ALAD: variants seen among roughly 807,000 people sequenced by gnomAD.
ALAD encodes the protein aminolevulinate dehydratase, also known as delta-aminolevulinic acid dehydratase.
A neutral mutation model predicts 44.4 loss-of-function variants in ALAD; 20 were observed. The observed-to-expected ratio is 0.45, with a 90% CI of 0.32 to 0.65. The LOEUF is 0.65. Ranked by LOEUF, ALAD falls within the 30% of genes least tolerant of loss-of-function variation. The pLI, the probability that ALAD is intolerant of heterozygous loss-of-function variation, is 0.05. For synonymous variants in ALAD, 156 were observed against 167.9 expected (o/e 0.93, Z 0.55); for missense variants, 323 against 445.7 (o/e 0.72, Z 2.48).
At chr9:113,399,618 T>C (rs748672563) in intron 1 of ALAD, among the ~76,000 whole-genome samples, 2 of 152,148 alleles carry the variant, frequency 1.3e-5, no homozygotes, top group Non-Finnish European at 2.9e-5. Flanking sequence ...TCAGATTTAA[T>C]ATGAAAGTAT....
At chr9:113,393,389 T>TCCCCAACCCCAA (rs8177793) in intron 2 of ALAD, 58 bp downstream of exon 2, 2 of 1,271,736 alleles carry the variant, frequency 1.6e-6, no homozygotes, top group Admixed American at 3.5e-5. Flanking sequence ...CAACACTCCC[T>TCCCCAACCCCAA]CCCCAACCCC....
intron 4 of ALAD, 44 bp downstream of exon 4, chr9:113,391,483 C>A (rs746243171): frequency 1.3e-6 from 2 of 1,571,584 alleles, no homozygotes; most frequent in African/African-American, 1.3e-5. Context: ...GGATTACGGG[C>A]GTGAGCGCAA....
In ALAD at chr9:113,386,731, T is replaced by A. The variant is rs1384323672; in HGVS notation, c.*1569A>T. The A allele has an allele frequency of 2.0e-5, 3 of 152,244 alleles. No individual in the cohort carries two copies. The highest frequency in any genetic ancestry group is 7.2e-5 in the African/African-American group (3 of 41,456). 9.4% of individuals were successfully genotyped at this position (152,244 alleles called of 1,614,324 possible). A position where few individuals can be genotyped will look rare whatever the true frequency, so the allele number is the denominator to read the frequency against. On this transcript the variant is annotated 3_prime_UTR_variant, in exon 12 of 12. Transcript: ENST00000409155. Reference sequence around the variant, plus strand: ...GTTCTAATCCAGTTCTGCCACAAACTTGTTGAGTGGCCTTAGGTGAGTCAC... The same window carrying A: ...GTTCTAATCCAGTTCTGCCACAAACATGTTGAGTGGCCTTAGGTGAGTCAC...
chr9:113,391,437 C>T, intron 4 of ALAD, 90 bp downstream of exon 4: 1 of 1,136,560 alleles, frequency 8.8e-7, no homozygotes, highest in Non-Finnish European at 1.3e-6. Context: ...ATCCTGGGCT[C>T]AAGTGATCCA....
Position 113,388,369 on chromosome 9 carries a change from G to C in ALAD, c.932-8C>G, listed in dbSNP as rs767016856. Reference sequence around the variant, plus strand: ...TGATGATGATGTCAGCACCTGTGTTGGGAGAGATGCAGAAAGTTGCTGGGG... The same window carrying C: ...TGATGATGATGTCAGCACCTGTGTTCGGAGAGATGCAGAAAGTTGCTGGGG... On this transcript the variant is annotated splice_region_variant and splice_polypyrimidine_tract_variant and intron_variant, in intron 11 of 11. Transcript: ENST00000409155. 1 of 1,613,744 alleles carries C rather than the reference G, an allele frequency of 6.2e-7. No individual in the cohort carries two copies. Among genetic ancestry groups the C allele is most frequent in the Admixed American group, 1.7e-5 (1 of 60,002 alleles).
chr9:113,392,036 G>T, intron 3 of ALAD, 83 bp downstream of exon 3: 1 of 1,313,826 alleles, frequency 7.6e-7, no homozygotes, highest in Non-Finnish European at 1.1e-6. Flanking sequence ...CTACTTCCTA[G>T]GTCTGCTTCT....
chr9:113,388,875 G>T, intron 11 of ALAD, 102 bp downstream of exon 11: 2 of 1,565,118 alleles, frequency 1.3e-6, no homozygotes, highest in Non-Finnish European at 1.8e-6. Context: ...AGTAATTCCC[G>T]GAATAAGATC....
Position 113,388,973 on chromosome 9 carries a change from C to T in ALAD, c.931+4G>A, listed in dbSNP as rs539712107. 1.9e-6 allele frequency: 3 copies of T among 1,613,832 alleles called. No homozygotes were observed. Among genetic ancestry groups the T allele is most frequent in the South Asian group, 1.1e-5 (1 of 91,086 alleles). ...GTCAAAACACCCCACCCTTGCCTGC[C>T]TACCTGCTCTGCGGAAGGCAGTCAT... On this transcript the variant is annotated splice_donor_region_variant and intron_variant, in intron 11 of 11. Coordinates refer to ENST00000409155, the MANE Select transcript of ALAD (RefSeq NM_000031.6).
chr9:113,390,869 C>T lies in ALAD; in HGVS notation c.326G>A (p.Arg109Lys). The T allele has an allele frequency of 1.2e-6, 2 of 1,614,102 alleles. No individual in the cohort carries two copies. The highest frequency in any genetic ancestry group is 1.1e-5 in the South Asian group (1 of 91,086). ...CACCAGGAGGTTGGGGAAGGTCTTC[C>T]TCAACAGATGGATTGCCTCAATAGC... is the stretch of plus-strand genomic sequence containing the variant. Reference protein sequence around the residue: ...SPAIEAIHLLRKTFPNLLVAC... With the variant: ...SPAIEAIHLLKKTFPNLLVAC... The change falls in exon 5 of 12, where the codon AGG (arginine) becomes AAG (lysine). Residue 109 changes from arginine to lysine, a missense_variant. Arg to Lys is a conservative substitution (Grantham distance 26). Transcript: ENST00000409155.
At chr9:113,398,689 C>T (rs925835433) in intron 1 of ALAD, among the ~76,000 whole-genome samples, 39 of 152,266 alleles carry the variant, frequency 2.6e-4, no homozygotes, top group Admixed American at 1.8e-3. Context: ...AAAGAGGCAA[C>T]GGGACTTTTG....
At position 113,390,611 on chromosome 9, in the gene ALAD, A is replaced by G. The variant is rs8177807; in HGVS notation, c.463T>C (p.Leu155=). ...CACTCACCTGCCTTGGCATACGCCA[A>G]TGCCACCTCAGCCAGCCGCTGGCGG... ...ESRQRLAEVA[L]AYAKAGCQVV... The change falls in exon 6 of 12, where the codon TTG becomes CTG. Residue 155 remains leucine, a synonymous_variant. Transcript: ENST00000409155. 0.084 allele frequency: 134,874 copies of G among 1,613,950 alleles called. 5,997 individuals are homozygous for G. The highest frequency in any genetic ancestry group is 0.13 in the Admixed American group (7,544 of 59,988).
At chr9:113,390,282 A>G in intron 7 of ALAD, 123 bp downstream of exon 7, 2 of 1,031,932 alleles carry the variant, frequency 1.9e-6, no homozygotes, top group Non-Finnish European at 2.9e-6. Flanking sequence ...TCAGCCTCCC[A>G]AAGTGCTGGG....
chr9:113,395,319 C>A (rs1415626881), intron 1 of ALAD, among the ~76,000 whole-genome samples: 1 of 152,204 alleles, frequency 6.6e-6, no homozygotes, highest in African/African-American at 2.4e-5. Flanking sequence ...GCACCCAAAT[C>A]TACAGGGTTC....
chr9:113,390,755 G>A (rs1291735479), intron 5 of ALAD, 43 bp downstream of exon 5: 1 of 1,599,390 alleles, frequency 6.3e-7, no homozygotes, highest in South Asian at 1.1e-5. Flanking sequence ...TGGGCAGTAG[G>A]AGTGTGGGTG....
At chr9:113,392,014 T>C in intron 3 of ALAD, 105 bp downstream of exon 3, 2 of 1,144,634 alleles carry the variant, frequency 1.7e-6, no homozygotes, top group South Asian at 1.3e-5. Flanking sequence ...AATGTCTGTC[T>C]GTCCGCATCT....
At chr9:113,394,336 G>A (rs1035157605) in intron 1 of ALAD, among the ~76,000 whole-genome samples, 8 of 150,982 alleles carry the variant, frequency 5.3e-5, no homozygotes, top group East Asian at 2.0e-4. Flanking sequence ...CCAAGAGTTC[G>A]AGACCAGCCT....
At chr9:113,398,248 A>G (rs1160076203) in intron 1 of ALAD, 2 of 152,270 alleles carry the variant, frequency 1.3e-5, no homozygotes, top group Non-Finnish European at 2.9e-5. Flanking sequence ...ACTTTTAGTG[A>G]TAAGGAAACA....
intron 1 of ALAD, chr9:113,396,819 C>T (rs2792818): frequency 0.17 from 26,688 of 152,982 alleles, 2,481 homozygotes; most frequent in African/African-American, 0.19. Flanking sequence ...TAAAGGGCAG[C>T]GGAGACAGGG....
At position 113,393,625 on chromosome 9, in the gene ALAD, C is replaced by T. The variant is rs1827656330; in HGVS notation, c.-66G>A. On this transcript the variant is annotated 5_prime_UTR_variant, in exon 2 of 12. Coordinates refer to ENST00000409155, the MANE Select transcript of ALAD (RefSeq NM_000031.6). ...CCGAGGGCTCCTGGGGCATTGGCTG[C>T]AGGCTCTGTCTGTGGGGGGTGATGG... 5 of 1,347,796 alleles carry T rather than the reference C, an allele frequency of 3.7e-6. No individual in the cohort carries two copies. Among genetic ancestry groups the T allele is most frequent in the African/African-American group, 2.9e-5 (2 of 69,574 alleles). The allele number at this position is 1,347,796 out of a possible 1,614,324, so 83.5% of individuals were successfully genotyped here.
Sources: allele counts gnomAD v4.1 joint callset (sites outside exome capture counted in the v4.1 genomes callset), GRCh38; gene constraint gnomAD v4.1.1; transcripts MANE v1.5; gene names NCBI Gene and HGNC (gene_info 2026-07-23, HGNC 2026-07-21).